Variants in ZNF808 observed in about 807,000 individuals in gnomAD.
The protein encoded by ZNF808 is zinc finger protein 808.
In ZNF808, 5 loss-of-function variants were observed where a neutral mutation model predicts 8.7. The observed-to-expected ratio is 0.58, with a 90% CI of 0.30 to 1.21. The LOEUF (loss-of-function observed/expected upper bound fraction) is 1.21. Among genes scored for constraint, ZNF808 ranks in the 50% most tolerant of loss-of-function variants. The pLI, the probability that ZNF808 is intolerant of heterozygous loss-of-function variation, is 0.07. For missense variants in ZNF808, 1,103 were observed against 1,098.4 expected (o/e 1.00, Z -0.06); for synonymous variants, 380 against 366.0 (o/e 1.04, Z -0.44).
chr19:52,530,352 T>G (rs1364320757), intron 1 of ZNF808, among the ~76,000 whole-genome samples: 1 of 151,510 alleles, frequency 6.6e-6, no homozygotes, highest in Non-Finnish European at 1.5e-5. Context: ...GAGCCACCAC[T>G]CTCAACCCAT....
intron 3 of ZNF808, 69 bp downstream of exon 3, chr19:52,543,416 A>G (rs1468681433): frequency 8.9e-6 from 14 of 1,573,066 alleles, no homozygotes; most frequent in Non-Finnish European, 1.2e-5. Context: ...ATTATATTGT[A>G]TTGTAGTAAT....
rs751336911 is a variant in ZNF808 at position 52,555,400 on chromosome 19, T to C, written c.2484T>C (p.Phe828=). The part of the protein sequence containing the change: ...PYKCNECGKA[F]NEQSHLSRHH... ...AGTGTAATGAATGTGGAAAGGCTTT[T>C]AATGAACAATCACACCTTTCACGTC... Residue 828 remains phenylalanine, a synonymous_variant, in exon 5 of 5, where the codon TTT becomes TTC. Transcript: ENST00000359798. The C allele has an allele frequency of 1.2e-6, 2 of 1,614,036 alleles. No individual in the cohort carries two copies. The highest frequency in any genetic ancestry group is 2.7e-5 in the African/African-American group (2 of 74,932).
At position 52,553,984 on chromosome 19, in the gene ZNF808, A is replaced by G; in HGVS notation, c.1068A>G (p.Ser356=). ...GTGGCAAGGCTTTTAATCAACAATC[A>G]CACCTTTCACGCCATCAAAGACTTC... ...NECGKAFNQQ[S]HLSRHQRLHT... Residue 356 remains serine, a synonymous_variant, in exon 5 of 5, where the codon TCA becomes TCG. Transcript: ENST00000359798. The G allele has an allele frequency of 6.2e-7, 1 of 1,614,144 alleles. No individual in the cohort carries two copies. The highest frequency in any genetic ancestry group is 8.5e-7 in the Non-Finnish European group (1 of 1,180,020).
intron 2 of ZNF808, among the ~76,000 whole-genome samples, chr19:52,542,990 A>C (rs1436249369): frequency 6.6e-6 from 1 of 150,868 alleles, no homozygotes. Context: ...ATCAGGGATG[A>C]GTCTGTGCCA....
chr19:52,550,465 A>G (rs547084951), intron 4 of ZNF808, among the ~76,000 whole-genome samples: 3 of 151,846 alleles, frequency 2.0e-5, no homozygotes, highest in Non-Finnish European at 4.4e-5. Context: ...CCTGACCTCA[A>G]GTGATCTACC....
downstream of ZNF808, among the ~76,000 whole-genome samples, chr19:52,566,095 A>G (rs1042124416): frequency 1.3e-5 from 2 of 152,200 alleles, no homozygotes; most frequent in African/African-American, 4.8e-5. Flanking sequence ...TATTCACCAT[A>G]GGGAAATGCT....
Position 52,555,986 on chromosome 19 carries a change from C to G in ZNF808, c.*358C>G. On this transcript the variant is annotated 3_prime_UTR_variant, in exon 5 of 5. Coordinates refer to ENST00000359798, the MANE Select transcript of ZNF808 (RefSeq NM_001039886.4). ...AATGTCATCAGTGTGGCAAGGTCTT[C>G]AGTCCGAGGTCACTCCTTGCAGAAC... The G allele has an allele frequency of 1.6e-6, 1 of 617,540 alleles. No individual in the cohort carries two copies. The highest frequency in any genetic ancestry group is 4.2e-5 in the East Asian group (1 of 23,916). The allele number at this position is 617,540 out of a possible 1,614,324, so 38.3% of individuals were successfully genotyped here.
chr19:52,539,106 C>T (rs1430728096), intron 2 of ZNF808, among the ~76,000 whole-genome samples: 3 of 151,336 alleles, frequency 2.0e-5, no homozygotes, highest in South Asian at 2.1e-4. Context: ...CTATATGGAA[C>T]GTGATGAAAG....
intron 2 of ZNF808, among the ~76,000 whole-genome samples, chr19:52,540,844 T>A (rs2059663089): frequency 6.6e-6 from 1 of 152,230 alleles, no homozygotes; most frequent in African/African-American, 2.4e-5. Flanking sequence ...TTGAACATTT[T>A]TCTGGGAGTG....
At chr19:52,565,960 T>C (rs2059872081), downstream of ZNF808, among the ~76,000 whole-genome samples, 1 of 152,142 alleles carries the variant, frequency 6.6e-6, no homozygotes, top group Non-Finnish European at 1.5e-5. Context: ...TCTAAATTCA[T>C]TGAGACCTAG....
intron 4 of ZNF808, among the ~76,000 whole-genome samples, chr19:52,548,333 T>A (rs959311945): frequency 1.5e-4 from 23 of 152,210 alleles, no homozygotes; most frequent in African/African-American, 5.5e-4. Context: ...TCAATCTTAT[T>A]GAGGGAGCTT....
In ZNF808 at chr19:52,553,756, T is replaced by G. The variant is rs2059802415; in HGVS notation, c.840T>G (p.Cys280Trp). ...HKQYLACHRRCHTGEKPYKCK... is the reference protein window; with the variant it reads ...HKQYLACHRRWHTGEKPYKCK... ...AATACCTTGCATGCCATCGTAGATG[T>G]CACACTGGAGAGAAACCTTACAAGT... The change falls in exon 5 of 5, where the codon TGT becomes TGG. Residue 280 changes from cysteine to tryptophan, a missense_variant. Coordinates refer to ENST00000359798, the MANE Select transcript of ZNF808 (RefSeq NM_001039886.4). 6.2e-7 allele frequency: 1 copy of G among 1,614,056 alleles called. No homozygotes were observed. Among genetic ancestry groups the G allele is most frequent in the Non-Finnish European group, 8.5e-7 (1 of 1,180,024 alleles).
chr19:52,539,510 T>G (rs1260119903), intron 2 of ZNF808, among the ~76,000 whole-genome samples: 2 of 151,178 alleles, frequency 1.3e-5, no homozygotes, highest in Non-Finnish European at 1.5e-5. Context: ...TTTTTATTTT[T>G]TAATTTTAGT....
At position 52,547,543 on chromosome 19, in the gene ZNF808, A is replaced by G; in HGVS notation, c.95A>G (p.Glu32Gly). Residue 32 changes from glutamate (E) to glycine (G), a missense_variant, in exon 4 of 5, where the codon GAA (glutamate) becomes GGA (glycine). Transcript: ENST00000359798. ...GRLTFRDVAI[E>G]FSLAEWKFLN... ...TTGACTTTCAGGGATGTGGCTATAG[A>G]ATTCTCATTGGCAGAGTGGAAATTC... is the stretch of plus-strand genomic sequence containing the variant. 6.2e-7 allele frequency: 1 copy of G among 1,614,040 alleles called. No homozygotes were observed. Among genetic ancestry groups the G allele is most frequent in the Non-Finnish European group, 8.5e-7 (1 of 1,179,978 alleles).
At chr19:52,550,110 A>G (rs2059761929) in intron 4 of ZNF808, among the ~76,000 whole-genome samples, 3 of 152,134 alleles carry the variant, frequency 2.0e-5, no homozygotes, top group Admixed American at 6.6e-5. Flanking sequence ...GGGATCCTTC[A>G]TGCCCAGGAT....
At chr19:52,564,168 T>C in exon 4 of ZNF808, 2 of 739,008 alleles carry the variant, frequency 2.7e-6, no homozygotes, top group South Asian at 2.8e-5. Flanking sequence ...GAATGAAAAC[T>C]GGCAATAAAA....
intron 2 of ZNF808, chr19:52,536,115 TG>T: frequency 6.5e-6 from 1 of 153,052 alleles, no homozygotes; most frequent in African/African-American, 2.4e-5. Flanking sequence ...CCCTGGAAAG[TG>T]GGGTCCCCAC....
intron 3 of ZNF808, among the ~76,000 whole-genome samples, chr19:52,545,289 C>T (rs1599998024): frequency 1.3e-5 from 2 of 152,306 alleles, no homozygotes; most frequent in South Asian, 2.1e-4. Context: ...GTTGCCTCAG[C>T]CTCTCCAGTA....
rs1302683208 is a variant in ZNF808 at position 52,554,249 on chromosome 19, CAT to C, written c.1335_1336del (p.His445GlnfsTer13). 3 of 1,613,522 alleles carry C rather than the reference CAT, an allele frequency of 1.9e-6. No homozygotes were observed. Among genetic ancestry groups the C allele is most frequent in the East Asian group, 2.2e-5 (1 of 44,868 alleles). Reference sequence around the variant, plus strand: ...CAGTCAGAAATCAACCCTTGAGAGACATAAGAGAATTCATACTGGAGAGAAAC... The same window carrying C: ...CAGTCAGAAATCAACCCTTGAGAGACAAGAGAATTCATACTGGAGAGAAAC... The part of the protein sequence containing the change: ...VFSQKSTLER[H>X]KRIHTGEKPY... On this transcript the variant is annotated frameshift_variant, in exon 5 of 5. Transcript: ENST00000359798. LOFTEE classifies it low-confidence loss of function (END_TRUNC).
Sources: gnomAD v4.1 joint callset for allele counts (sites outside exome capture counted in the v4.1 genomes callset) on GRCh38, gnomAD v4.1.1 for gene constraint, MANE v1.5 for transcripts, NCBI Gene and HGNC (gene_info 2026-07-23, HGNC 2026-07-21) for gene names.